The following SNIP1 variants were observed in gnomAD, a reference collection of about 807,000 sequenced individuals.
SNIP1 encodes the protein Smad nuclear interacting protein 1.
Under a neutral mutation model 37.4 loss-of-function variants are expected in SNIP1, and 23 were observed. The ratio of observed to expected loss-of-function variants is 0.61; its 90% confidence interval spans 0.44 to 0.87. The LOEUF (loss-of-function observed/expected upper bound fraction) is 0.87. Among genes scored for constraint, SNIP1 ranks in the 40% least tolerant of loss-of-function variants. SNIP1 has a pLI of 0.00. For synonymous variants in SNIP1, 174 were observed against 200.0 expected (o/e 0.87, Z 1.10); for missense variants, 459 against 540.4 (o/e 0.85, Z 1.49).
chr1:37,551,125 T>C (rs1387781292), intron 2 of SNIP1, among the ~76,000 whole-genome samples: 1 of 127,812 alleles, frequency 7.8e-6, no homozygotes, highest in Non-Finnish European at 1.8e-5. Flanking sequence ...AAAGAAAAGA[T>C]GTCCAATATC....
intron 3 of SNIP1, among the ~76,000 whole-genome samples, chr1:37,538,993 C>G (rs572783553): frequency 2.4e-4 from 37 of 152,280 alleles, no homozygotes; most frequent in African/African-American, 8.4e-4. Context: ...CTATTGTGAA[C>G]TGTGCACAGG....
chr1:37,535,218 A>AC lies in SNIP1; in HGVS notation c.*2529_*2530insG, dbSNP rs1643073775. ...AACCCCATCTCTACTAAAAAAAAAT[A>AC]AAAAATAAAAATTATATATATAAAT... On this transcript the variant is annotated 3_prime_UTR_variant, in exon 4 of 4. Transcript: ENST00000296215. 1 of 103,386 alleles carries AC rather than the reference A, an allele frequency of 9.7e-6. No homozygotes were observed. The highest frequency in any genetic ancestry group is 3.7e-5 in the African/African-American group (1 of 27,244). 6.4% of individuals were successfully genotyped at this position (103,386 alleles called of 1,614,324 possible).
In SNIP1 at chr1:37,536,554, T is replaced by C. The variant is rs926021609; in HGVS notation, c.*1194A>G. On this transcript the variant is annotated 3_prime_UTR_variant, in exon 4 of 4. Transcript: ENST00000296215. Reference sequence around the variant, plus strand: ...TTGAAATGGGGCTATATTTACAAATTTTATTTTTTTATCCCAAAAATACAT... The same window carrying C: ...TTGAAATGGGGCTATATTTACAAATCTTATTTTTTTATCCCAAAAATACAT... 6.6e-6 allele frequency: 1 copy of C among 152,496 alleles called. No homozygotes were observed. Among genetic ancestry groups the C allele is most frequent in the Non-Finnish European group, 1.5e-5 (1 of 68,046 alleles). 9.4% of individuals were successfully genotyped at this position (152,496 alleles called of 1,614,324 possible). A position where few individuals can be genotyped will look rare whatever the true frequency, so the allele number is the denominator to read the frequency against.
intron 2 of SNIP1, chr1:37,545,273 C>T (rs1643219744): frequency 1.6e-6 from 1 of 631,340 alleles, no homozygotes; most frequent in Admixed American, 1.9e-5. Flanking sequence ...ACAAGCACAC[C>T]CCGGGGAGAC....
chr1:37,542,161 A>C (rs1643182490), intron 2 of SNIP1, among the ~76,000 whole-genome samples: 1 of 152,196 alleles, frequency 6.6e-6, no homozygotes, highest in African/African-American at 2.4e-5. Flanking sequence ...CTTGAATCCA[A>C]GCACTGCAAA....
In SNIP1 at chr1:37,536,389, T is replaced by TG. The variant is rs986990872; in HGVS notation, c.*1358dup. The TG allele has an allele frequency of 4.6e-5, 7 of 152,188 alleles. No homozygotes were observed. Among genetic ancestry groups the TG allele is most frequent in the African/African-American group, 1.7e-4 (7 of 41,434 alleles). The allele number at this position is 152,188 out of a possible 1,614,324, so 9.4% of individuals were successfully genotyped here. A position where few individuals can be genotyped will look rare whatever the true frequency, so the allele number is the denominator to read the frequency against. ...GTCACCATCTGCTATTCCACTGACT[T>TG]GGAGGCCAACGATATAACCTGCCCC... On this transcript the variant is annotated 3_prime_UTR_variant, in exon 4 of 4. Coordinates refer to ENST00000296215, the MANE Select transcript of SNIP1 (RefSeq NM_024700.4).
rs931672633 is a variant in SNIP1, at chr1:37,546,154, C to G, written c.328-5399G>C. 4.3e-4 allele frequency among the ~76,000 whole-genome samples: 65 copies of G among 150,336 alleles called. 1 individual carries two copies. Among genetic ancestry groups the G allele is most frequent in the Admixed American group, 1.5e-3 (23 of 15,146 alleles). ...AAGCACTGGGACTAAGACCCCCCCC[C>G]CCCCCGCTCCCTGCCATACACAGGG... On this transcript the variant is annotated intron_variant, in intron 2 of 3. Transcript: ENST00000296215.
rs766348411 is a variant in SNIP1 at position 37,554,115 on chromosome 1, C to A, written c.115G>T (p.Ala39Ser). ...TCCGGACGGCGGTGGGCGGGAGGTGCGACTTCTGGGCTGAGACGCTCCTGC... is the reference window on the plus strand; with the variant it reads ...TCCGGACGGCGGTGGGCGGGAGGTGAGACTTCTGGGCTGAGACGCTCCTGC... ...VKQERLSPEV[A>S]PPAHRRPDHS... Residue 39 changes from alanine (A) to serine (S), a missense_variant, in exon 1 of 4, where the codon GCA becomes TCA. Physicochemically the swap from Ala to Ser is moderately conservative, Grantham distance 99 (BLOSUM62 1). Transcript: ENST00000296215. 3 of 1,612,416 alleles carry A rather than the reference C, an allele frequency of 1.9e-6. No homozygotes were observed. The highest frequency in any genetic ancestry group is 2.5e-6 in the Non-Finnish European group (3 of 1,179,510).
chr1:37,540,768 C>T lies in SNIP1; in HGVS notation c.328-13G>A. ...GATCCTCACGCTCCTAAAATTCAAA[C>T]AGATTCTGTAATTTAAACGCAGTGC... On this transcript the variant is annotated splice_polypyrimidine_tract_variant and intron_variant, in intron 2 of 3. Coordinates refer to ENST00000296215, the MANE Select transcript of SNIP1 (RefSeq NM_024700.4). This position sits in a 1 kb window ranked among gnomAD's most constrained non-coding sequence, Gnocchi z 5.6. 1 of 1,569,404 alleles carries T rather than the reference C, an allele frequency of 6.4e-7. No individual in the cohort carries two copies. The highest frequency in any genetic ancestry group is 1.4e-5 in the African/African-American group (1 of 73,856).
intron 2 of SNIP1, among the ~76,000 whole-genome samples, chr1:37,545,481 A>AG (rs2148115097): frequency 6.6e-6 from 1 of 151,966 alleles, no homozygotes; most frequent in African/African-American, 2.4e-5. Context: ...AAAAAAAAAA[A>AG]AAAAACAAAG....
intron 3 of SNIP1, among the ~76,000 whole-genome samples, chr1:37,538,259 A>G (rs1288919945): frequency 6.6e-6 from 1 of 152,230 alleles, no homozygotes; most frequent in Non-Finnish European, 1.5e-5. Flanking sequence ...CTGTAATCCC[A>G]GCACTTTGGG....
chr1:37,539,821 C>CA lies in SNIP1; in HGVS notation c.926+335dup, dbSNP rs1316626786. On this transcript the variant is annotated intron_variant, in intron 3 of 3. Transcript: ENST00000296215. ...TCAAAATTAGCTGGGCACAGAGGCACACGCCTGTGGTCCCAGTTACTCAGG... is the reference window on the plus strand; with the variant it reads ...TCAAAATTAGCTGGGCACAGAGGCACAACGCCTGTGGTCCCAGTTACTCAGG... Among the ~76,000 whole-genome samples the CA allele has an allele frequency of 2.7e-4, 41 of 152,316 alleles. 1 individual carries two copies. The highest frequency in any genetic ancestry group is 2.9e-5 in the Non-Finnish European group (2 of 68,034).
intron 2 of SNIP1, chr1:37,544,849 C>T: frequency 1.2e-6 from 1 of 805,992 alleles, no homozygotes; most frequent in Non-Finnish European, 2.2e-6. Flanking sequence ...CCTCCTACAT[C>T]TACCTGTCCA....
chr1:37,544,913 T>C, intron 2 of SNIP1: 1 of 1,035,420 alleles, frequency 9.7e-7, no homozygotes, highest in Non-Finnish European at 1.5e-6. Flanking sequence ...TGCCAAATAC[T>C]TTCTTCACCA....
chr1:37,539,371 TACAAATAC>T (rs1643140399), intron 3 of SNIP1, among the ~76,000 whole-genome samples: 2 of 152,122 alleles, frequency 1.3e-5, no homozygotes, highest in South Asian at 4.1e-4. Context: ...CAAATGGGGA[TACAAATAC>T]GTGTCCATTC....
rs1381884144 is a variant in SNIP1 at position 37,540,436 on chromosome 1, TTTTC to T, written c.643_646del (p.Glu215LysfsTer27). 6.2e-7 allele frequency: 1 copy of T among 1,614,088 alleles called. No homozygotes were observed. The highest frequency in any genetic ancestry group is 8.5e-7 in the Non-Finnish European group (1 of 1,180,012). ...TGGTTTTTCTTTAGCGGGCACCTCT[TTTTC>T]TTTGTTGTTGCCACCAGGCCGAGGA... is the stretch of plus-strand genomic sequence containing the variant. On this transcript the variant is annotated frameshift_variant, in exon 3 of 4. Coordinates refer to ENST00000296215, the MANE Select transcript of SNIP1 (RefSeq NM_024700.4). LOFTEE classifies it high-confidence loss of function. The surrounding 1 kb of genome is among the most constrained non-coding windows in gnomAD (Gnocchi z 5.6).
At position 37,540,072 on chromosome 1, in the gene SNIP1, G is replaced by T; in HGVS notation, c.926+85C>A. On this transcript the variant is annotated intron_variant, in intron 3 of 3. Transcript: ENST00000296215. The surrounding 1 kb of genome is among the most constrained non-coding windows in gnomAD (Gnocchi z 5.6). The stretch of plus-strand genomic sequence containing the variant: ...CATATGAGGGGTATGGGATTCTTCT[G>T]CATAAACATGAACAAAAATCTTAGT... 8.3e-7 allele frequency: 1 copy of T among 1,205,198 alleles called. No homozygotes were observed. The highest frequency in any genetic ancestry group is 1.2e-6 in the Non-Finnish European group (1 of 851,714). The allele number at this position is 1,205,198 out of a possible 1,614,324, so 74.7% of individuals were successfully genotyped here. A position where few individuals can be genotyped will look rare whatever the true frequency, so the allele number is the denominator to read the frequency against.
At chr1:37,541,662 CAA>C (rs34756254) in intron 2 of SNIP1, 35,772 of 127,952 alleles carry the variant, frequency 0.28, 4,868 homozygotes, top group East Asian at 0.35. Flanking sequence ...AACTCCTTCT[CAA>C]AAAAAAAAAA....
chr1:37,539,116 C>G (rs1395630863), intron 3 of SNIP1, among the ~76,000 whole-genome samples: 1 of 152,100 alleles, frequency 6.6e-6, no homozygotes, highest in Non-Finnish European at 1.5e-5. Flanking sequence ...AGGGCTTCCA[C>G]TGATTCTAGA....
Sources: allele counts gnomAD v4.1 joint callset (sites outside exome capture counted in the v4.1 genomes callset), GRCh38; gene constraint gnomAD v4.1.1; non-coding constraint Gnocchi (gnomAD v3.1); transcripts MANE v1.5; gene names NCBI Gene and HGNC (gene_info 2026-07-23, HGNC 2026-07-21).